Variants in ULK2 observed in about 807,000 individuals in gnomAD.
The protein encoded by ULK2 is serine/threonine-protein kinase ULK2.
A neutral mutation model predicts 127.5 loss-of-function variants in ULK2; 76 were observed. The ratio of observed to expected loss-of-function variants is 0.60; its 90% CI spans 0.50 to 0.72. The LOEUF is 0.72. Ranked by LOEUF, ULK2 falls within the 30% of genes least tolerant of loss-of-function variation. The probability of loss-of-function intolerance (pLI) is 0.00; values close to 1 mark genes in which losing one functional copy is unlikely to be tolerated. For missense variants in ULK2, 1,144 were observed against 1,295.9 expected (o/e 0.88, Z 1.80); for synonymous variants, 452 against 461.9 (o/e 0.98, Z 0.28).
At chr17:19,790,271 G>T (rs1021029224) in intron 20 of ULK2, among the ~76,000 whole-genome samples, 2 of 152,120 alleles carry the variant, frequency 1.3e-5, no homozygotes, top group African/African-American at 2.4e-5. Context: ...ACAAAAATTT[G>T]CCAGGTGTGG....
At chr17:19,850,347 GTTGAGGAAATGAA>G (rs1413484623) in intron 3 of ULK2, among the ~76,000 whole-genome samples, 1 of 152,172 alleles carries the variant, frequency 6.6e-6, no homozygotes, top group Non-Finnish European at 1.5e-5. Flanking sequence ...GTTCCACAAT[GTTGAGGAAATGAA>G]TTGAGGGCTC....
chr17:19,805,733 C>G (rs2087501679), intron 14 of ULK2, among the ~76,000 whole-genome samples: 2 of 152,080 alleles, frequency 1.3e-5, no homozygotes, highest in African/African-American at 4.8e-5. Context: ...TGTGAGCATG[C>G]TTGCTGGAGC....
chr17:19,858,217 T>C lies in ULK2; in HGVS notation c.225+6586A>G, dbSNP rs146430349. On this transcript the variant is annotated intron_variant, in intron 3 of 26. Coordinates refer to ENST00000395544, the MANE Select transcript of ULK2 (RefSeq NM_014683.4). Reference sequence around the variant, plus strand: ...AAGTTTGAGACCAGGCTGAGCAACATGGTGAAACTCCATCTCTACAAAAAA... The same window carrying C: ...AAGTTTGAGACCAGGCTGAGCAACACGGTGAAACTCCATCTCTACAAAAAA... 3.9e-3 allele frequency among the ~76,000 whole-genome samples: 589 copies of C among 152,020 alleles called. 5 individuals are homozygous for C. Among genetic ancestry groups the C allele is most frequent in the African/African-American group, 0.013 (558 of 41,472 alleles).
Position 19,797,421 on chromosome 17 carries a change from G to A in ULK2, c.1784C>T (p.Pro595Leu). Residue 595 changes from proline (P) to leucine (L), a missense_variant, in exon 18 of 27, where the codon CCA becomes CTA. Physicochemically the swap from Pro to Leu is moderately conservative, Grantham distance 98. Transcript: ENST00000395544. ...SSDWFFKTPL[P>L]TIIGSPTKTT... The stretch of plus-strand genomic sequence containing the variant: ...CTTAGTAGGAGAGCCAATGATTGTT[G>A]GCAAAGGAGTTTTAAAGAACCAGTC... 6.8e-6 allele frequency: 11 copies of A among 1,613,536 alleles called. No individual in the cohort carries two copies. The highest frequency in any genetic ancestry group is 9.3e-6 in the Non-Finnish European group (11 of 1,179,800).
intron 3 of ULK2, among the ~76,000 whole-genome samples, chr17:19,856,796 C>T (rs1597819697): frequency 2.7e-5 from 4 of 149,934 alleles, no homozygotes; most frequent in Middle Eastern, 7.1e-3. Context: ...CACGGTGAAA[C>T]CCCGTCTCTA....
chr17:19,858,050 A>G (rs2042168655), intron 3 of ULK2, among the ~76,000 whole-genome samples: 1 of 151,992 alleles, frequency 6.6e-6, no homozygotes, highest in African/African-American at 2.4e-5. Context: ...CCTAGGCCCC[A>G]TATTGTTCAA....
rs750959465 is a variant in ULK2, at chr17:19,810,457, C to A, written c.1097-19G>T. ...ATATCACCTAAAGGAGAGAAAAGAA[C>A]AATCAGTTCCTGTTATACCATCTGC... is the stretch of plus-strand genomic sequence containing the variant. On this transcript the variant is annotated intron_variant, in intron 13 of 26. Coordinates refer to ENST00000395544, the MANE Select transcript of ULK2 (RefSeq NM_014683.4). The A allele has an allele frequency of 6.5e-7, 1 of 1,533,734 alleles. No homozygotes were observed. Among genetic ancestry groups the A allele is most frequent in the Admixed American group, 1.9e-5 (1 of 52,880 alleles).
rs2042118353 is a variant in ULK2, at chr17:19,855,974, C to T, written c.226-6200G>A. On this transcript the variant is annotated intron_variant, in intron 3 of 26. Transcript: ENST00000395544. ...AGGCTGCAGTGAGATATGATGGCAC[C>T]ACAGAAGAAATGCACTCCAGCCTGA... 2.0e-5 allele frequency: 3 copies of T among 151,318 alleles called. No individual in the cohort carries two copies. The South Asian group carries it at 6.3e-4, about 32-fold the overall frequency. 9.4% of individuals were successfully genotyped at this position (151,318 alleles called of 1,614,324 possible).
At chr17:19,801,599 GA>G (rs2087398984) in intron 16 of ULK2, among the ~76,000 whole-genome samples, 177 bp downstream of exon 16, 1 of 152,040 alleles carries the variant, frequency 6.6e-6, no homozygotes. Context: ...GAAAGAAAAG[GA>G]AAAAGAAAAG....
chr17:19,806,158 T>C (rs1028917442), intron 14 of ULK2, among the ~76,000 whole-genome samples: 1 of 152,186 alleles, frequency 6.6e-6, no homozygotes, highest in Non-Finnish European at 1.5e-5. Context: ...TGCAAGCCAG[T>C]GCACTCATAG....
At chr17:19,790,601 AAAG>A (rs1369153234) in intron 20 of ULK2, among the ~76,000 whole-genome samples, 3 of 152,080 alleles carry the variant, frequency 2.0e-5, no homozygotes, top group Non-Finnish European at 4.4e-5. Flanking sequence ...AAGGAAGGAA[AAAG>A]AAGACCAGAA....
In ULK2 at chr17:19,825,954, C is replaced by A. The variant is rs1215472891; in HGVS notation, c.835+185G>T. 2.8e-5 allele frequency among the ~76,000 whole-genome samples: 4 copies of A among 142,252 alleles called. No individual in the cohort carries two copies. The East Asian group carries it at 8.0e-4, about 28-fold the overall frequency. 93.3% of individuals were successfully genotyped at this position (142,252 alleles called of 152,430 possible). A position where few individuals can be genotyped will look rare whatever the true frequency, so the allele number is the denominator to read the frequency against. ...TGAGCCGAGATCACGCCACTGCACT[C>A]CAGCCTGGGCAACAAGAGCGAAACT... On this transcript the variant is annotated intron_variant, in intron 11 of 26. Coordinates refer to ENST00000395544, the MANE Select transcript of ULK2 (RefSeq NM_014683.4).
At chr17:19,781,355 C>T (rs1365799685) in intron 23 of ULK2, among the ~76,000 whole-genome samples, 1 of 151,332 alleles carries the variant, frequency 6.6e-6, no homozygotes, top group Non-Finnish European at 1.5e-5. Flanking sequence ...GATCCTCCCA[C>T]CTCAGCCTCC....
chr17:19,806,257 G>T (rs1216734562), intron 14 of ULK2, among the ~76,000 whole-genome samples: 2 of 148,502 alleles, frequency 1.3e-5, no homozygotes, highest in Non-Finnish European at 3.0e-5. Context: ...TTTTTTTATT[G>T]TTTCAATTTA....
chr17:19,851,266 G>A (rs1343814982), intron 3 of ULK2, among the ~76,000 whole-genome samples: 1 of 145,200 alleles, frequency 6.9e-6, no homozygotes, highest in South Asian at 2.1e-4. Flanking sequence ...GGCAGAAGTT[G>A]CAGTGAGCCA....
chr17:19,846,943 C>A, intron 5 of ULK2, 33 bp from the exon 6 acceptor site: 1 of 1,566,722 alleles, frequency 6.4e-7, no homozygotes, highest in Non-Finnish European at 8.7e-7. Context: ...AATATTTAAG[C>A]ACACAAAATC....
chr17:19,863,683 A>AT (rs1176261198), intron 3 of ULK2, among the ~76,000 whole-genome samples: 2 of 151,862 alleles, frequency 1.3e-5, no homozygotes, highest in Admixed American at 6.6e-5. Context: ...CATTTGAAGG[A>AT]TTTTTTAACA....
Position 19,846,724 on chromosome 17 carries a change from C to T in ULK2, c.469+13G>A, listed in dbSNP as rs118033098. The T allele has an allele frequency of 1.9e-3, 3,018 of 1,586,614 alleles. 74 individuals carry two copies. In the East Asian group the frequency reaches 0.054, roughly 28 times the overall value. On this transcript the variant is annotated intron_variant, in intron 6 of 26. Coordinates refer to ENST00000395544, the MANE Select transcript of ULK2 (RefSeq NM_014683.4). The stretch of plus-strand genomic sequence containing the variant: ...AAAATGTCCTTTCCATGACACAATA[C>T]ATGGCCATTTACCTATTTTGATGCG...
At chr17:19,795,346 A>AT (rs1270815390) in intron 20 of ULK2, among the ~76,000 whole-genome samples, 2 of 100,370 alleles carry the variant, frequency 2.0e-5, no homozygotes, top group Admixed American at 1.1e-4. Flanking sequence ...TACCCTACTG[A>AT]TAAAAAAAAA....
Sources: gnomAD v4.1 joint callset for allele counts (sites outside exome capture counted in the v4.1 genomes callset) on GRCh38, gnomAD v4.1.1 for gene constraint, MANE v1.5 for transcripts, NCBI Gene and HGNC (gene_info 2026-07-23, HGNC 2026-07-21) for gene names.